The following MIPOL1 variants were observed in gnomAD, a reference collection of about 807,000 sequenced individuals.
MIPOL1 encodes the protein mirror-image polydactyly 1, also known as mirror-image polydactyly gene 1 protein.
In MIPOL1, 57 loss-of-function variants were observed where a neutral mutation model predicts 60.9. The observed-to-expected ratio is 0.94, with a 90% CI of 0.76 to 1.17. MIPOL1 has a LOEUF of 1.17. Ranked by LOEUF, MIPOL1 falls within the 50% of genes most tolerant of loss-of-function variation. MIPOL1 has a pLI of 0.00. For missense variants in MIPOL1, 551 were observed against 511.6 expected (o/e 1.08, Z -0.74); for synonymous variants, 179 against 168.8 (o/e 1.06, Z -0.47).
At chr14:37,424,892 C>T (rs1287456079) in intron 11 of MIPOL1, among the ~76,000 whole-genome samples, 1 of 152,182 alleles carries the variant, frequency 6.6e-6, no homozygotes, top group African/African-American at 2.4e-5. Context: ...GACACTTAGC[C>T]CACCCCATGC....
intron 7 of MIPOL1, among the ~76,000 whole-genome samples, chr14:37,299,303 G>T (rs1156722521): frequency 6.6e-6 from 1 of 151,866 alleles, no homozygotes; most frequent in Non-Finnish European, 1.5e-5. Context: ...GTAGGGAGAG[G>T]GGGGCGGGAT....
intron 10 of MIPOL1, among the ~76,000 whole-genome samples, chr14:37,418,740 G>A (rs919287753): frequency 1.3e-5 from 2 of 151,996 alleles, no homozygotes; most frequent in African/African-American, 4.8e-5. Flanking sequence ...TCATAGGTTG[G>A]TTATGAGAAT....
intron 9 of MIPOL1, among the ~76,000 whole-genome samples, chr14:37,366,751 A>G (rs539330809): frequency 6.6e-6 from 1 of 152,052 alleles, no homozygotes; most frequent in East Asian, 1.9e-4. Context: ...TGGGATGTTG[A>G]TATATCCAGC....
chr14:37,231,487 G>T (rs1440338479), intron 1 of MIPOL1, among the ~76,000 whole-genome samples: 1 of 152,144 alleles, frequency 6.6e-6, no homozygotes, highest in Non-Finnish European at 1.5e-5. Flanking sequence ...TTAACATACT[G>T]ACTGATTTCT....
chr14:37,469,655 A>C (rs751794158), intron 11 of MIPOL1, among the ~76,000 whole-genome samples: 2 of 152,196 alleles, frequency 1.3e-5, no homozygotes, highest in Non-Finnish European at 2.9e-5. Flanking sequence ...CCACTATAAC[A>C]ATATTAAGAG....
chr14:37,239,324 C>T (rs1047786628), intron 1 of MIPOL1, among the ~76,000 whole-genome samples: 2 of 152,072 alleles, frequency 1.3e-5, no homozygotes, highest in Non-Finnish European at 2.9e-5. Context: ...GGATTACAGG[C>T]GTGAGCCACC....
chr14:37,326,174 A>T (rs1439804154), intron 9 of MIPOL1, among the ~76,000 whole-genome samples: 1 of 152,170 alleles, frequency 6.6e-6, no homozygotes, highest in African/African-American at 2.4e-5. Flanking sequence ...AATCTTACCC[A>T]GCCCCTCAAG....
At chr14:37,508,690 G>A (rs1339264131) in intron 12 of MIPOL1, among the ~76,000 whole-genome samples, 1 of 152,106 alleles carries the variant, frequency 6.6e-6, no homozygotes, top group Non-Finnish European at 1.5e-5. Context: ...GCTTTTAGAA[G>A]AATATGTGTT....
intron 10 of MIPOL1, among the ~76,000 whole-genome samples, chr14:37,392,299 C>T (rs916962976): frequency 6.6e-6 from 1 of 152,094 alleles, no homozygotes; most frequent in Non-Finnish European, 1.5e-5. Context: ...GTTGCATTTA[C>T]ACCTAAGTAT....
intron 10 of MIPOL1, among the ~76,000 whole-genome samples, chr14:37,382,248 T>TA (rs2092944579): frequency 6.6e-6 from 1 of 152,082 alleles, no homozygotes; most frequent in South Asian, 2.1e-4. Flanking sequence ...TGCAGTGTAG[T>TA]AATGCTGTGA....
chr14:37,254,663 TTTC>T (rs1974636501), intron 3 of MIPOL1, among the ~76,000 whole-genome samples: 1 of 151,672 alleles, frequency 6.6e-6, no homozygotes, highest in Non-Finnish European at 1.5e-5. Context: ...GCTAATAGGA[TTTC>T]TTCTTTCTCT....
At chr14:37,267,278 A>G (rs2082949650) in intron 4 of MIPOL1, 109 bp downstream of exon 4, 1 of 742,470 alleles carries the variant, frequency 1.3e-6, no homozygotes, top group East Asian at 2.7e-5. Context: ...ACTTGAGGTC[A>G]GGAGTTCGAG....
intron 11 of MIPOL1, among the ~76,000 whole-genome samples, chr14:37,454,367 A>G (rs2094454315): frequency 1.3e-5 from 2 of 152,204 alleles, no homozygotes; most frequent in South Asian, 4.1e-4. Flanking sequence ...AGTCTACCAC[A>G]GAAGGTGTAG....
chr14:37,341,726 G>A (rs749186577), intron 9 of MIPOL1, among the ~76,000 whole-genome samples: 4 of 152,154 alleles, frequency 2.6e-5, no homozygotes, highest in Non-Finnish European at 4.4e-5. Context: ...GACTATAGGC[G>A]TGAGCCAACA....
intron 1 of MIPOL1, among the ~76,000 whole-genome samples, chr14:37,203,269 G>A (rs1965594215): frequency 1.3e-5 from 2 of 152,264 alleles, no homozygotes; most frequent in Admixed American, 6.5e-5. Flanking sequence ...CTCACTACCT[G>A]TTTGTTTTAA....
At chr14:37,379,707 A>G (rs1393602924) in intron 10 of MIPOL1, among the ~76,000 whole-genome samples, 2 of 152,080 alleles carry the variant, frequency 1.3e-5, no homozygotes, top group African/African-American at 4.8e-5. Context: ...ATTTCAGTTC[A>G]TTGGTGGTAG....
intron 6 of MIPOL1, chr14:37,277,519 A>T (rs1263253115): frequency 1.3e-5 from 2 of 151,320 alleles, no homozygotes; most frequent in South Asian, 2.1e-4. Flanking sequence ...CTTTTTTAAT[A>T]TAGTCTTTGA....
intron 1 of MIPOL1, among the ~76,000 whole-genome samples, chr14:37,234,481 A>G (rs1036701377): frequency 4.0e-5 from 6 of 151,158 alleles, no homozygotes; most frequent in African/African-American, 1.5e-4. Context: ...ATGAGCCACC[A>G]TGCTTTGCCT....
chr14:37,490,847 T>A (rs376494256), intron 11 of MIPOL1, among the ~76,000 whole-genome samples: 2 of 152,318 alleles, frequency 1.3e-5, no homozygotes, highest in East Asian at 3.9e-4. Flanking sequence ...ATCACCTGCC[T>A]TCTGCGTTGA....
Sources: allele counts gnomAD v4.1 joint callset (sites outside exome capture counted in the v4.1 genomes callset), GRCh38; gene constraint gnomAD v4.1.1; transcripts MANE v1.5; gene names NCBI Gene and HGNC (gene_info 2026-07-23, HGNC 2026-07-21).